LINGO2: variants seen among roughly 807,000 people sequenced by gnomAD.
LINGO2 encodes the protein leucine-rich repeat and immunoglobulin-like domain-containing nogo receptor-interacting protein 2.
A neutral mutation model predicts 30.6 loss-of-function variants in LINGO2; 14 were observed. The ratio of observed to expected loss-of-function variants is 0.46; its 90% CI spans 0.30 to 0.72. The LOEUF is 0.72. LINGO2 is among the 30% of genes least tolerant of loss of function. LINGO2 has a pLI of 0.07. For missense variants in LINGO2, 729 were observed against 751.7 expected, an observed-to-expected ratio of 0.97 and a Z score of 0.35; for synonymous variants, 317 against 288.5, an observed-to-expected ratio of 1.10 and a Z score of -1.00.
chr9:29,137,264 A>G, the LINGO2 span, among the ~76,000 whole-genome samples: 1 of 152,136 alleles, frequency 6.6e-6, no homozygotes, highest in Non-Finnish European at 1.5e-5. Flanking sequence ...TAGGTTCATC[A>G]TCAGTAATTT....
At chr9:28,929,856 C>A in the LINGO2 span, among the ~76,000 whole-genome samples, 3 of 152,160 alleles carry the variant, frequency 2.0e-5, no homozygotes, top group African/African-American at 7.2e-5. Context: ...ATACCTAAAA[C>A]AGAAAGTCAT....
At chr9:28,971,568 A>T in the LINGO2 span, among the ~76,000 whole-genome samples, 2 of 152,222 alleles carry the variant, frequency 1.3e-5, no homozygotes, top group Non-Finnish European at 2.9e-5. Flanking sequence ...TTTGAAAGGC[A>T]GGAGAAAGAG....
intron 4 of LINGO2, among the ~76,000 whole-genome samples, chr9:28,088,203 T>TACAC (rs56044203): frequency 2.0e-4 from 30 of 148,504 alleles, no homozygotes; most frequent in African/African-American, 7.4e-4. Context: ...TATATAATTA[T>TACAC]ACACACACAC....
the LINGO2 span, among the ~76,000 whole-genome samples, chr9:28,752,885 C>T: frequency 1.3e-5 from 2 of 151,968 alleles, no homozygotes; most frequent in African/African-American, 4.8e-5. Flanking sequence ...TATTTGACCT[C>T]TATGGACCTC....
At chr9:29,127,197 C>G in the LINGO2 span, among the ~76,000 whole-genome samples, 2 of 152,098 alleles carry the variant, frequency 1.3e-5, no homozygotes, top group Admixed American at 1.3e-4. Context: ...CTTGCTCAAG[C>G]GTGTTCCCAC....
At chr9:28,461,510 A>C (rs970867793) in intron 2 of LINGO2, among the ~76,000 whole-genome samples, 2 of 152,224 alleles carry the variant, frequency 1.3e-5, no homozygotes, top group African/African-American at 4.8e-5. Context: ...AATAACTAAA[A>C]CATGAAAATA....
chr9:29,166,340 T>G, the LINGO2 span, among the ~76,000 whole-genome samples: 42 of 152,242 alleles, frequency 2.8e-4, no homozygotes, highest in African/African-American at 9.6e-4. Flanking sequence ...ACGTTTTACT[T>G]AAGCCAGAAT....
chr9:28,200,040 A>G (rs899097207), intron 4 of LINGO2, among the ~76,000 whole-genome samples: 13 of 151,396 alleles, frequency 8.6e-5, no homozygotes, highest in African/African-American at 3.1e-4. Context: ...ATGGAAGCTA[A>G]TTAAAAAACT....
chr9:28,146,913 T>A, intron 4 of LINGO2, among the ~76,000 whole-genome samples: 1 of 152,234 alleles, frequency 6.6e-6, no homozygotes, highest in African/African-American at 2.4e-5. Context: ...AATAATCCAC[T>A]GGCAAATTTC....
Position 28,078,515 on chromosome 9 carries a change from G to A in LINGO2, c.-86-66110C>T, listed in dbSNP as rs536837743. 2.0e-5 allele frequency among the ~76,000 whole-genome samples: 3 copies of A among 148,572 alleles called. No homozygotes were observed. In the East Asian group the frequency reaches 5.8e-4, roughly 29 times the overall value. ...TAGGAGCTACCATATATGCCTTATT[G>A]ACAAATTATGTTATATTGACCTTGC... is the stretch of plus-strand genomic sequence containing the variant. On this transcript the variant is annotated intron_variant, in intron 4 of 5. Coordinates refer to ENST00000379992, the Ensembl canonical transcript of LINGO2.
chr9:28,592,014 G>A (rs1219142549), intron 1 of LINGO2, among the ~76,000 whole-genome samples: 1 of 151,988 alleles, frequency 6.6e-6, no homozygotes, highest in African/African-American at 2.4e-5. Flanking sequence ...AAAGAAGAAG[G>A]TCTCCATTTA....
chr9:28,982,651 A>G, the LINGO2 span, among the ~76,000 whole-genome samples: 1 of 152,066 alleles, frequency 6.6e-6, no homozygotes. Flanking sequence ...TAAAGCTTTC[A>G]CAATAAATAT....
chr9:28,419,101 T>C (rs1823084729), intron 2 of LINGO2, among the ~76,000 whole-genome samples: 2 of 152,112 alleles, frequency 1.3e-5, no homozygotes, highest in South Asian at 4.1e-4. Flanking sequence ...TAATATGTCA[T>C]ATATTTTTTT....
intron 1 of LINGO2, among the ~76,000 whole-genome samples, chr9:28,574,409 A>G (rs2135608080): frequency 6.6e-6 from 1 of 152,286 alleles, no homozygotes; most frequent in East Asian, 1.9e-4. Context: ...GTCACTGTTT[A>G]GTGTGTCATT....
At chr9:28,595,116 T>C (rs1296986907) in intron 1 of LINGO2, among the ~76,000 whole-genome samples, 1 of 152,040 alleles carries the variant, frequency 6.6e-6, no homozygotes, top group Non-Finnish European at 1.5e-5. Context: ...CTGTTATCCA[T>C]CAACAATCCT....
chr9:28,314,136 A>T (rs10968489), intron 3 of LINGO2, among the ~76,000 whole-genome samples: 1 of 151,842 alleles, frequency 6.6e-6, no homozygotes, highest in Non-Finnish European at 1.5e-5. Flanking sequence ...GGGTTTCACC[A>T]TGTTAGCCAG....
intron 2 of LINGO2, among the ~76,000 whole-genome samples, chr9:28,440,386 C>T (rs965766561): frequency 2.6e-5 from 4 of 152,240 alleles, no homozygotes; most frequent in Admixed American, 6.5e-5. Context: ...ATTTATAAAA[C>T]GTTCACTTCC....
intron 4 of LINGO2, among the ~76,000 whole-genome samples, chr9:28,044,725 C>A (rs1279528928): frequency 6.6e-6 from 1 of 151,986 alleles, no homozygotes; most frequent in Non-Finnish European, 1.5e-5. Context: ...AACAAAAAGT[C>A]CAAACTGGAA....
At chr9:28,845,960 G>A in the LINGO2 span, among the ~76,000 whole-genome samples, 9 of 150,912 alleles carry the variant, frequency 6.0e-5, no homozygotes, top group South Asian at 4.2e-4. Context: ...CTCTAATGAC[G>A]TTTAGAGTTA....
Sources: allele counts gnomAD v4.1 joint callset (sites outside exome capture counted in the v4.1 genomes callset), GRCh38; gene constraint gnomAD v4.1.1; transcripts MANE v1.5; gene names NCBI Gene and HGNC (gene_info 2026-07-23, HGNC 2026-07-21).